Variants in CLCN7 observed in about 807,000 individuals in gnomAD.
CLCN7 encodes the protein H(+)/Cl(-) exchange transporter 7.
CLCN7 carries 60 observed loss-of-function variants against 102.1 expected under a neutral mutation model. The ratio of observed to expected loss-of-function variants is 0.59; its 90% CI spans 0.48 to 0.73. The LOEUF is 0.73. Among genes scored for constraint, CLCN7 ranks in the 30% least tolerant of loss-of-function variants. The probability of loss-of-function intolerance (pLI) is 0.00; values close to 1 mark genes in which losing one functional copy is unlikely to be tolerated. For missense variants in CLCN7, 962 were observed against 1,125.7 expected (o/e 0.85, Z 2.08); for synonymous variants, 560 against 490.5 (o/e 1.14, Z -1.87).
intron 7 of CLCN7, among the ~76,000 whole-genome samples, chr16:1,458,581 G>A (rs938339394): frequency 7.9e-5 from 12 of 152,234 alleles, no homozygotes; most frequent in South Asian, 2.1e-4. Flanking sequence ...AGGGGGCAGC[G>A]GCCATGCTGC....
rs34915053 is a variant in CLCN7, at chr16:1,456,999, T to C, written c.822+255A>G. Among the ~76,000 whole-genome samples the C allele has an allele frequency of 0.071, 10,757 of 152,192 alleles. 471 individuals are homozygous for C. The highest frequency in any genetic ancestry group is 0.1 in the Non-Finnish European group (6,940 of 67,994). On this transcript the variant is annotated intron_variant, in intron 9 of 24. Coordinates refer to ENST00000382745, the MANE Select transcript of CLCN7 (RefSeq NM_001287.6). ...TTCTGCACTCCTCTGAGAAGCCGCT[T>C]GGAGCCACAGACCCTCCCACGGGAA... is the stretch of plus-strand genomic sequence containing the variant.
At chr16:1,458,576 G>A (rs928379575) in intron 7 of CLCN7, among the ~76,000 whole-genome samples, 1 of 152,232 alleles carries the variant, frequency 6.6e-6, no homozygotes, top group Non-Finnish European at 1.5e-5. Context: ...CCCCCAGGGG[G>A]CAGCGGCCAT....
intron 1 of CLCN7, 56 bp downstream of exon 1, chr16:1,474,777 CG>C: frequency 8.2e-7 from 1 of 1,225,714 alleles, no homozygotes; most frequent in South Asian, 3.0e-5. Flanking sequence ...CACGAGGGCG[CG>C]GGCTGCGGGG....
chr16:1,452,943 C>G, intron 14 of CLCN7, 50 bp from the exon 15 acceptor site: 1 of 1,550,974 alleles, frequency 6.4e-7, no homozygotes, highest in Non-Finnish European at 8.7e-7. Flanking sequence ...AGCGCGGCCC[C>G]TCCGCAGGCC....
In CLCN7 at chr16:1,474,988, G is replaced by A; in HGVS notation, c.-14C>T. ...GACGTTGGCCATGGCCCGCCGCGGAGCGACACCGGCCGGGAAGCGCCGGCT... is the reference window on the plus strand; with the variant it reads ...GACGTTGGCCATGGCCCGCCGCGGAACGACACCGGCCGGGAAGCGCCGGCT... On this transcript the variant is annotated 5_prime_UTR_variant, in exon 1 of 25. Coordinates refer to ENST00000382745, the MANE Select transcript of CLCN7 (RefSeq NM_001287.6). 2 of 1,470,698 alleles carry A rather than the reference G, an allele frequency of 1.4e-6. No individual in the cohort carries two copies. Among genetic ancestry groups the A allele is most frequent in the East Asian group, 2.9e-5 (1 of 34,084 alleles). The allele number at this position is 1,470,698 out of a possible 1,614,324, so 91.1% of individuals were successfully genotyped here. A position where few individuals can be genotyped will look rare whatever the true frequency, so the allele number is the denominator to read the frequency against.
chr16:1,453,800 T>G, intron 14 of CLCN7, 34 bp downstream of exon 14: 2 of 1,609,056 alleles, frequency 1.2e-6, no homozygotes, highest in Non-Finnish European at 1.7e-6. Context: ...TGGCCACGCC[T>G]GCCAACGCGA....
Position 1,457,725 on chromosome 16 carries a change from A to G in CLCN7, c.707T>C (p.Leu236Pro). The G allele has an allele frequency of 6.2e-7, 1 of 1,613,928 alleles. No homozygotes were observed. The highest frequency in any genetic ancestry group is 8.5e-7 in the Non-Finnish European group (1 of 1,180,016). ...CACGGCCAGGCCCCCGACCACGGAC[A>G]GGATCACACCGGACACTTTGATCAC... ...TLVIKVSGVI[L>P]SVVGGLAVGK... Residue 236 changes from leucine (L) to proline (P), a missense_variant, in exon 8 of 25, where the codon CTG becomes CCG. Leu to Pro is a moderately conservative substitution (Grantham distance 98). Coordinates refer to ENST00000382745, the MANE Select transcript of CLCN7 (RefSeq NM_001287.6). The surrounding 1 kb of genome is among the most constrained non-coding windows in gnomAD (Gnocchi z 5.4).
rs201442152 is a variant in CLCN7, at chr16:1,454,445, G to A, written c.1119C>T (p.His373=). Residue 373 remains histidine (H), a synonymous_variant, in exon 13 of 25, where the codon CAC becomes CAT. Coordinates refer to ENST00000382745, the MANE Select transcript of CLCN7 (RefSeq NM_001287.6). ...FDSEKMAYTI[H]EIPVFIAMGV... ...CCATGGCGATGAAGACCGGGATCTC[G>A]TGGATCGTGTAGGCCATTTTCTGTG... The A allele has an allele frequency of 3.5e-5, 56 of 1,613,742 alleles. No individual in the cohort carries two copies. Among genetic ancestry groups the A allele is most frequent in the Admixed American group, 2.2e-4 (13 of 60,036 alleles).
intron 1 of CLCN7, chr16:1,467,958 C>G (rs1290171300): frequency 6.6e-6 from 1 of 152,214 alleles, no homozygotes; most frequent in East Asian, 1.9e-4. Context: ...TGGCGTGTAC[C>G]TGTGGCCCAA....
chr16:1,446,979 G>A (rs1366819473), intron 24 of CLCN7, 27 bp downstream of exon 24: 1 of 1,551,750 alleles, frequency 6.4e-7, no homozygotes. Context: ...TGCACGGCAT[G>A]CCTGCACCCC....
intron 15 of CLCN7, chr16:1,452,052 C>A: frequency 2.8e-6 from 1 of 360,366 alleles, no homozygotes. Context: ...CTCACATGAG[C>A]TCCTAGAAGA....
rs1265920152 is a variant in CLCN7 at position 1,474,834 on chromosome 16, C to A, written c.141G>T (p.Gln47His). Residue 47 changes from glutamine to histidine, a missense_variant and splice_region_variant, in exon 1 of 25, where the codon CAG becomes CAT. Transcript: ENST00000382745. Reference protein sequence around the residue: ...LNGAGPGAARQSPRSALFRVG... With the variant: ...LNGAGPGAARHSPRSALFRVG... ...CCGCCTGCGCCCTGCCCGGCCTCAC[C>A]TGGCGCGCAGCCCCAGGCCCAGCCC... The A allele has an allele frequency of 1.5e-6, 2 of 1,356,788 alleles. No homozygotes were observed. The highest frequency in any genetic ancestry group is 1.9e-6 in the Non-Finnish European group (2 of 1,053,704). 84.0% of individuals were successfully genotyped at this position (1,356,788 alleles called of 1,614,324 possible).
rs768529224 is a variant in CLCN7 at position 1,457,352 on chromosome 16, G to A, written c.739-15C>T. The A allele has an allele frequency of 1.2e-5, 19 of 1,611,660 alleles. No homozygotes were observed. The highest frequency in any genetic ancestry group is 3.3e-5 in the Admixed American group (2 of 59,950). On this transcript the variant is annotated splice_polypyrimidine_tract_variant and intron_variant, in intron 8 of 24. Coordinates refer to ENST00000382745, the MANE Select transcript of CLCN7 (RefSeq NM_001287.6). The surrounding 1 kb of genome is among the most constrained non-coding windows in gnomAD (Gnocchi z 5.4). ...ATCGGCCCTTCCTGGAGACCAGAAG[G>A]ACCGGTGCTCAGAGACACGCGTGAC...
chr16:1,470,486 A>T (rs1338912708), intron 1 of CLCN7, among the ~76,000 whole-genome samples: 1 of 152,236 alleles, frequency 6.6e-6, no homozygotes, highest in East Asian at 1.9e-4. Context: ...TGGGGGTTAC[A>T]GTCAAAGGAA....
chr16:1,459,733 GCT>G (rs1297150058), intron 6 of CLCN7, among the ~76,000 whole-genome samples: 2 of 48,036 alleles, frequency 4.2e-5, no homozygotes, highest in African/African-American at 1.2e-4. Flanking sequence ...GGGAAGGGGA[GCT>G]CAGCACACAC....
chr16:1,455,402 G>C, intron 11 of CLCN7, 152 bp from the exon 12 acceptor site: 2 of 731,842 alleles, frequency 2.7e-6, no homozygotes, highest in South Asian at 2.9e-5. Context: ...TGGAGCCAGG[G>C]GTGGGCGCAC....
chr16:1,453,642 T>A lies in CLCN7; in HGVS notation c.1214+192A>T, dbSNP rs578248754. ...CCTCGCACTCCTAGCCTTGGGCTAG[T>A]CCGTCACCCTCCAGGCCCCGGGACA... On this transcript the variant is annotated intron_variant, in intron 14 of 24. Transcript: ENST00000382745. Among the ~76,000 whole-genome samples the A allele has an allele frequency of 7.9e-5, 12 of 152,294 alleles. 1 individual carries two copies. In the South Asian group the frequency reaches 2.5e-3, roughly 32 times the overall value.
At chr16:1,461,328 G>GCAGAAGA in intron 4 of CLCN7, 77 bp downstream of exon 4, 2 of 1,291,326 alleles carry the variant, frequency 1.5e-6, no homozygotes, top group Non-Finnish European at 2.2e-6. Flanking sequence ...CCTCACCCCG[G>GCAGAAGA]CAGAAGAGCA....
rs1303600227 is a variant in CLCN7 at position 1,459,104 on chromosome 16, C to T, written c.675+3G>A. ...TGCCCAGCCAGGGCCACCGCACCCT[C>T]ACCTTGAGCCGCACCACGTGGGGGA... is the stretch of plus-strand genomic sequence containing the variant. On this transcript the variant is annotated splice_donor_region_variant and intron_variant, in intron 7 of 24. Transcript: ENST00000382745. The T allele has an allele frequency of 6.2e-7, 1 of 1,606,856 alleles. No homozygotes were observed. The highest frequency in any genetic ancestry group is 1.1e-5 in the South Asian group (1 of 90,796).
Sources: allele counts gnomAD v4.1 joint callset (sites outside exome capture counted in the v4.1 genomes callset), GRCh38; gene constraint gnomAD v4.1.1; non-coding constraint Gnocchi (gnomAD v3.1); transcripts MANE v1.5; gene names NCBI Gene and HGNC (gene_info 2026-07-23, HGNC 2026-07-21).